Variants in VTI1A observed in about 807,000 individuals in gnomAD.
VTI1A encodes vesicle transport through interaction with t-SNAREs 1A, also known as vesicle transport through interaction with t-SNAREs homolog 1A.
In VTI1A, 22 loss-of-function variants were observed where a neutral mutation model predicts 34.9. That is an observed-to-expected ratio of 0.63 (90% CI 0.45 to 0.90). VTI1A has a LOEUF of 0.90. Among genes scored for constraint, VTI1A ranks in the 40% least tolerant of loss-of-function variants. VTI1A has a pLI of 0.00. For synonymous variants in VTI1A, 87 were observed against 97.3 expected (o/e 0.89, Z 0.62); for missense variants, 268 against 275.6 (o/e 0.97, Z 0.20).
At chr10:112,549,603 A>C (rs867934005) in intron 5 of VTI1A, among the ~76,000 whole-genome samples, 11 of 152,302 alleles carry the variant, frequency 7.2e-5, no homozygotes, top group Middle Eastern at 6.8e-3. Flanking sequence ...TTAGAGAAAA[A>C]ATTGTCTATA....
At chr10:112,464,710 T>A in intron 3 of VTI1A, 53 bp downstream of exon 3, 1 of 1,464,430 alleles carries the variant, frequency 6.8e-7, no homozygotes, top group Non-Finnish European at 9.4e-7. Context: ...AAATGTTTCC[T>A]CCTCATGCCT....
intron 7 of VTI1A, among the ~76,000 whole-genome samples, chr10:112,722,366 G>T (rs1217775090): frequency 6.6e-6 from 1 of 152,004 alleles, no homozygotes; most frequent in Non-Finnish European, 1.5e-5. Context: ...GTCGTTGGGT[G>T]GGGGGATGGG....
intron 7 of VTI1A, among the ~76,000 whole-genome samples, chr10:112,765,354 C>T (rs774113892): frequency 2.0e-5 from 3 of 152,070 alleles, no homozygotes; most frequent in Non-Finnish European, 4.4e-5. Context: ...AGATTACAGG[C>T]GCCCGCCACC....
chr10:112,631,084 G>A (rs1413524774), intron 5 of VTI1A, among the ~76,000 whole-genome samples: 1 of 151,836 alleles, frequency 6.6e-6, no homozygotes, highest in African/African-American at 2.4e-5. Context: ...AGCCGAGATC[G>A]CGCCATTGCA....
chr10:112,676,137 TTA>T (rs1158638915), intron 7 of VTI1A, among the ~76,000 whole-genome samples: 1 of 152,180 alleles, frequency 6.6e-6, no homozygotes, highest in African/African-American at 2.4e-5. Flanking sequence ...AATTTTAAAT[TTA>T]TGTTTTTAAA....
At chr10:112,627,193 G>C (rs1464313351) in intron 5 of VTI1A, among the ~76,000 whole-genome samples, 1 of 152,012 alleles carries the variant, frequency 6.6e-6, no homozygotes, top group Non-Finnish European at 1.5e-5. Context: ...GAATCTCTGG[G>C]GATAGACCTT....
intron 4 of VTI1A, among the ~76,000 whole-genome samples, chr10:112,537,239 A>G (rs1437132486): frequency 1.3e-5 from 2 of 149,908 alleles, no homozygotes; most frequent in East Asian, 3.9e-4. Flanking sequence ...ACGTATGCAG[A>G]TACATGTATG....
chr10:112,632,678 A>G (rs1846179413), intron 5 of VTI1A, among the ~76,000 whole-genome samples: 1 of 152,204 alleles, frequency 6.6e-6, no homozygotes, highest in Non-Finnish European at 1.5e-5. Flanking sequence ...AGAAATAGTC[A>G]TATAGTCCTA....
chr10:112,732,840 T>C (rs1440231788), intron 7 of VTI1A, among the ~76,000 whole-genome samples: 1 of 152,258 alleles, frequency 6.6e-6, no homozygotes, highest in Admixed American at 6.5e-5. Flanking sequence ...TGTACTTTGC[T>C]GCTTTTTCCC....
intron 5 of VTI1A, among the ~76,000 whole-genome samples, chr10:112,610,846 G>C (rs1845276730): frequency 6.6e-6 from 1 of 152,144 alleles, no homozygotes; most frequent in Non-Finnish European, 1.5e-5. Flanking sequence ...GTGAACCCGG[G>C]AGGCGGAGCT....
intron 3 of VTI1A, among the ~76,000 whole-genome samples, chr10:112,495,164 C>T (rs879059831): frequency 1.4e-5 from 2 of 146,588 alleles, no homozygotes; most frequent in African/African-American, 5.1e-5. Context: ...GCCAATGGTC[C>T]GTTTCATTGA....
At chr10:112,598,131 T>C (rs1396972600) in intron 5 of VTI1A, among the ~76,000 whole-genome samples, 4 of 152,216 alleles carry the variant, frequency 2.6e-5, no homozygotes, top group Admixed American at 6.5e-5. Context: ...TTTATCTAGC[T>C]TCGTTCTTCA....
At position 112,521,797 on chromosome 10, in the gene VTI1A, A is replaced by G. The variant is rs573345290; in HGVS notation, c.265-5290A>G. On this transcript the variant is annotated intron_variant, in intron 3 of 7. Transcript: ENST00000393077. Reference sequence around the variant, plus strand: ...AAATTGCTTTTTGCTAGAAATTAATACAACATGGAGAACACTGTGATAAAC... The same window carrying G: ...AAATTGCTTTTTGCTAGAAATTAATGCAACATGGAGAACACTGTGATAAAC... Among the ~76,000 whole-genome samples the G allele has an allele frequency of 3.3e-5, 5 of 152,202 alleles. No homozygotes were observed. The South Asian group carries it at 1.0e-3, about 32-fold the overall frequency.
At chr10:112,613,520 T>C in intron 5 of VTI1A, among the ~76,000 whole-genome samples, 1 of 152,204 alleles carries the variant, frequency 6.6e-6, no homozygotes, top group East Asian at 1.9e-4. Context: ...TCTCGGCCTC[T>C]TTTTTTCTCT....
At chr10:112,804,973 G>A (rs538908192) in intron 7 of VTI1A, among the ~76,000 whole-genome samples, 6 of 143,166 alleles carry the variant, frequency 4.2e-5, no homozygotes, top group South Asian at 2.2e-4. Flanking sequence ...CAATCCTCCC[G>A]TCTCAGCCTC....
chr10:112,677,190 T>C (rs1020485501), intron 7 of VTI1A, among the ~76,000 whole-genome samples: 1 of 152,154 alleles, frequency 6.6e-6, no homozygotes, highest in Non-Finnish European at 1.5e-5. Context: ...GAGAGCTTTT[T>C]TCCGAAAGGG....
chr10:112,517,221 A>G (rs1350348762), intron 3 of VTI1A, among the ~76,000 whole-genome samples: 2 of 152,042 alleles, frequency 1.3e-5, no homozygotes, highest in Non-Finnish European at 2.9e-5. Flanking sequence ...TGAATCTGTT[A>G]AGGAGAAAGT....
At chr10:112,467,314 A>G (rs1432577087) in intron 3 of VTI1A, among the ~76,000 whole-genome samples, 38 of 152,176 alleles carry the variant, frequency 2.5e-4, no homozygotes, top group Admixed American at 2.5e-3. Flanking sequence ...ATTTTCTATT[A>G]TAAAGAAAAA....
intron 5 of VTI1A, among the ~76,000 whole-genome samples, chr10:112,599,207 A>G (rs548053836): frequency 6.6e-6 from 1 of 152,096 alleles, no homozygotes; most frequent in African/African-American, 2.4e-5. Context: ...CAGCTTGCAG[A>G]GTAGGATTGG....
Sources: allele counts gnomAD v4.1 joint callset (sites outside exome capture counted in the v4.1 genomes callset), GRCh38; gene constraint gnomAD v4.1.1; transcripts MANE v1.5; gene names NCBI Gene and HGNC (gene_info 2026-07-23, HGNC 2026-07-21).